ZFHX3: variants seen among roughly 807,000 people sequenced by gnomAD.
The protein encoded by ZFHX3 is zinc finger homeobox 3.
In ZFHX3, 42 loss-of-function variants were observed where a neutral mutation model predicts 279.1. The observed-to-expected ratio is 0.15, with a 90% confidence interval of 0.12 to 0.19. The LOEUF is 0.19. Among genes scored for constraint, ZFHX3 ranks in the 10% least tolerant of loss-of-function variants. The pLI is 1.00. For synonymous variants in ZFHX3, 2,293 were observed against 1,957.8 expected (o/e 1.17, Z -4.52); for missense variants, 4,981 against 4,754.0 (o/e 1.05, Z -1.40).
intron 3 of ZFHX3, among the ~76,000 whole-genome samples, chr16:73,447,555 G>T (rs1014452627): frequency 3.3e-5 from 5 of 152,258 alleles, no homozygotes; most frequent in African/African-American, 9.6e-5. Context: ...CTAGAGGCAG[G>T]AACATTGCCT....
intron 8 of ZFHX3, among the ~76,000 whole-genome samples, chr16:73,067,703 C>T (rs892425952): frequency 3.3e-5 from 5 of 152,224 alleles, no homozygotes; most frequent in African/African-American, 1.2e-4. Context: ...ACAGAGCACT[C>T]AGTGGCCCCT....
At chr16:73,673,838 C>T (rs2052927576) in intron 2 of ZFHX3, among the ~76,000 whole-genome samples, 1 of 152,042 alleles carries the variant, frequency 6.6e-6, no homozygotes, top group Non-Finnish European at 1.5e-5. Flanking sequence ...TCCATGAAAA[C>T]TAGGAATTGA....
At chr16:73,298,365 G>C (rs949412246) in intron 4 of ZFHX3, among the ~76,000 whole-genome samples, 14 of 151,944 alleles carry the variant, frequency 9.2e-5, no homozygotes, top group African/African-American at 3.4e-4. Flanking sequence ...TGTATTTTTA[G>C]TAGAGATGGG....
chr16:73,434,804 G>T (rs2017969288), intron 3 of ZFHX3, among the ~76,000 whole-genome samples: 1 of 152,114 alleles, frequency 6.6e-6, no homozygotes, highest in South Asian at 2.1e-4. Flanking sequence ...CTCTAAGTGG[G>T]TCTGACTGAG....
intron 7 of ZFHX3, among the ~76,000 whole-genome samples, chr16:72,808,347 T>A (rs929383878): frequency 6.6e-6 from 1 of 152,158 alleles, no homozygotes; most frequent in African/African-American, 2.4e-5. Flanking sequence ...TCATTTTTTT[T>A]TTCCTGCTGA....
intron 8 of ZFHX3, among the ~76,000 whole-genome samples, chr16:73,073,788 CA>C (rs1965852201): frequency 6.6e-6 from 1 of 152,310 alleles, no homozygotes; most frequent in South Asian, 2.1e-4. Flanking sequence ...CATGAGCCAC[CA>C]AGCCCGGCCT....
intron 5 of ZFHX3, among the ~76,000 whole-genome samples, chr16:73,173,463 C>G (rs1190370340): frequency 1.3e-5 from 2 of 149,324 alleles, no homozygotes; most frequent in African/African-American, 4.9e-5. Flanking sequence ...CCCAGGGAGT[C>G]TGCTTGTGCC....
intron 3 of ZFHX3, among the ~76,000 whole-genome samples, chr16:73,452,308 C>T (rs2018292014): frequency 1.3e-5 from 2 of 152,172 alleles, no homozygotes; most frequent in South Asian, 4.1e-4. Flanking sequence ...ACAAAATATT[C>T]TCACTGAAAC....
chr16:73,879,245 C>T (rs1413733037), intron 1 of ZFHX3, among the ~76,000 whole-genome samples: 5 of 131,906 alleles, frequency 3.8e-5, no homozygotes, highest in Admixed American at 7.8e-5. Context: ...CCTAAAATCA[C>T]AATAGGAAAG....
chr16:73,872,063 T>C (rs1177379660), intron 1 of ZFHX3, among the ~76,000 whole-genome samples: 2 of 152,212 alleles, frequency 1.3e-5, no homozygotes, highest in Non-Finnish European at 2.9e-5. Flanking sequence ...ACATTTTGAA[T>C]TGTAAGTGAA....
At chr16:73,189,929 TAAAAAAATTAAA>T (rs1054892777) in intron 5 of ZFHX3, among the ~76,000 whole-genome samples, 3 of 151,682 alleles carry the variant, frequency 2.0e-5, no homozygotes, top group Admixed American at 6.6e-5. Flanking sequence ...CCCTCATCTC[TAAAAAAATTAAA>T]AAAAAAATTA....
At chr16:73,754,744 G>T (rs756601245) in intron 1 of ZFHX3, among the ~76,000 whole-genome samples, 4 of 151,878 alleles carry the variant, frequency 2.6e-5, no homozygotes, top group Non-Finnish European at 5.9e-5. Context: ...GGGAAGACAC[G>T]AACTTTACAT....
chr16:73,761,804 C>T lies in ZFHX3; in HGVS notation c.-1607-81564G>A, dbSNP rs903067937. On this transcript the variant is annotated intron_variant, in intron 1 of 17. Transcript: ENST00000641206. ...TATGCAGAAAATTGAAACTGGACCC[C>T]CTCCTTATGCCTTGTACAAAAATTA... 1.8e-4 allele frequency among the ~76,000 whole-genome samples: 27 copies of T among 152,200 alleles called. 1 individual carries two copies. The highest frequency in any genetic ancestry group is 3.4e-3 in the Middle Eastern group (1 of 292).
chr16:73,478,630 A>G (rs2018811418), intron 2 of ZFHX3, among the ~76,000 whole-genome samples: 1 of 152,116 alleles, frequency 6.6e-6, no homozygotes, highest in Non-Finnish European at 1.5e-5. Context: ...GTGTTTTCCT[A>G]TGTGCCCATC....
intron 3 of ZFHX3, among the ~76,000 whole-genome samples, chr16:73,337,262 A>T (rs539097797): frequency 1.3e-5 from 2 of 150,814 alleles, no homozygotes; most frequent in Admixed American, 6.6e-5. Flanking sequence ...GTCCTGTGGG[A>T]CTCCTGTTCT....
chr16:73,239,000 C>A lies in ZFHX3; in HGVS notation c.-1104+18047G>T, dbSNP rs77644789. On this transcript the variant is annotated intron_variant, in intron 5 of 17. Coordinates refer to the ZFHX3 transcript ENST00000641206. ...GCTTCCCTCTCCCACAGCATGACTC[C>A]ACTTTCACAATGACCAAGTTTTCCC... 1.2e-3 allele frequency among the ~76,000 whole-genome samples: 183 copies of A among 152,286 alleles called. 3 individuals are homozygous for A. The East Asian group carries it at 0.034, about 28-fold the overall frequency.
chr16:73,810,075 C>T (rs1960386182), intron 1 of ZFHX3, among the ~76,000 whole-genome samples: 1 of 152,116 alleles, frequency 6.6e-6, no homozygotes, highest in African/African-American at 2.4e-5. Flanking sequence ...TGAAGTCCTG[C>T]CTGTTAGAGT....
chr16:73,341,109 G>A (rs1159445759), intron 3 of ZFHX3, among the ~76,000 whole-genome samples: 1 of 152,088 alleles, frequency 6.6e-6, no homozygotes. Context: ...TTGGGAGGCC[G>A]AGGTGGGTGG....
At chr16:73,837,661 G>A (rs62044572) in intron 1 of ZFHX3, among the ~76,000 whole-genome samples, 7 of 151,264 alleles carry the variant, frequency 4.6e-5, no homozygotes, top group African/African-American at 4.9e-5. Context: ...TTTTTCAGAC[G>A]GAGTTTCGCT....
Sources: gnomAD v4.1 joint callset for allele counts (sites outside exome capture counted in the v4.1 genomes callset) on GRCh38, gnomAD v4.1.1 for gene constraint, MANE v1.5 for transcripts, NCBI Gene and HGNC (gene_info 2026-07-23, HGNC 2026-07-21) for gene names.